NCAM1: variants seen among roughly 807,000 people sequenced by gnomAD.
NCAM1 encodes antigen recognized by monoclonal antibody 5.1H11.
In NCAM1, 14 loss-of-function variants were observed where a neutral mutation model predicts 109.8. The observed-to-expected ratio is 0.13, with a 90% CI of 0.08 to 0.20. The LOEUF (loss-of-function observed/expected upper bound fraction) is 0.20, where lower values mean the gene tolerates loss of function less well. NCAM1 is among the 10% of genes least tolerant of loss of function. The pLI is 1.00. For synonymous variants in NCAM1, 418 were observed against 442.9 expected (o/e 0.94, Z 0.70); for missense variants, 774 against 1,109.9 (o/e 0.70, Z 4.30).
chr11:113,164,246 G>T (rs1226372156), intron 1 of NCAM1, among the ~76,000 whole-genome samples: 3 of 152,150 alleles, frequency 2.0e-5, no homozygotes, highest in Non-Finnish European at 4.4e-5. Context: ...AAACTGACTT[G>T]TTTTCTCCTA....
At chr11:112,998,679 C>T (rs1433304325) in intron 1 of NCAM1, among the ~76,000 whole-genome samples, 2 of 152,038 alleles carry the variant, frequency 1.3e-5, no homozygotes, top group African/African-American at 4.8e-5. Flanking sequence ...CCTTTTCTCC[C>T]AGTTTCAGTT....
intron 1 of NCAM1, among the ~76,000 whole-genome samples, chr11:113,169,070 GTC>G (rs60174763): frequency 0.013 from 1,875 of 146,184 alleles, 15 homozygotes; most frequent in South Asian, 0.021. Flanking sequence ...GTGTGTGTGT[GTC>G]TGTGTGTGTG....
chr11:113,205,754 A>T, intron 4 of NCAM1, 88 bp downstream of exon 4: 1 of 1,493,838 alleles, frequency 6.7e-7, no homozygotes, highest in Non-Finnish European at 9.0e-7. Flanking sequence ...TTCCAGTCCA[A>T]ACTCCAATTC....
chr11:113,188,141 G>A (rs1943568920), intron 1 of NCAM1, among the ~76,000 whole-genome samples: 1 of 152,180 alleles, frequency 6.6e-6, no homozygotes, highest in Admixed American at 6.5e-5. Context: ...GAATTTGAGG[G>A]TGTGAGGAGA....
At chr11:113,237,095 G>GA (rs1426429913) in intron 14 of NCAM1, among the ~76,000 whole-genome samples, 1 of 152,278 alleles carries the variant, frequency 6.6e-6, no homozygotes, top group Admixed American at 6.5e-5. Context: ...CCACTGGAAG[G>GA]ACACCCTTCA....
intron 1 of NCAM1, among the ~76,000 whole-genome samples, chr11:113,134,312 A>C (rs1941519639): frequency 6.6e-6 from 1 of 151,628 alleles, no homozygotes; most frequent in Non-Finnish European, 1.5e-5. Context: ...ATGTAACCGG[A>C]TTTTTTTTCG....
At chr11:113,265,219 T>C (rs1555124204) in intron 17 of NCAM1, 23 of 951,500 alleles carry the variant, frequency 2.4e-5, no homozygotes, top group Non-Finnish European at 2.9e-5. Flanking sequence ...GGCTTGATTT[T>C]ATTCAATAGT....
rs782564057 is a variant in NCAM1, at chr11:113,232,364, G to C, written c.1425+10G>C. ...TGCCAGCTATCTGGAGGTGAGTCAG[G>C]ATGGGGGTGGGACAGAGCAGAGAAA... On this transcript the variant is annotated intron_variant, in intron 11 of 19. Transcript: ENST00000316851. 6.9e-6 allele frequency: 11 copies of C among 1,601,882 alleles called. No homozygotes were observed. Among genetic ancestry groups the C allele is most frequent in the Non-Finnish European group, 7.7e-6 (9 of 1,173,660 alleles).
chr11:112,973,314 T>C lies in NCAM1; in HGVS notation c.52+11650T>C, dbSNP rs528967969. 3.9e-5 allele frequency among the ~76,000 whole-genome samples: 6 copies of C among 152,212 alleles called. No individual in the cohort carries two copies. In the South Asian group the frequency reaches 8.3e-4, roughly 21 times the overall value. ...CTGCCAGTCACCAGTTAAGCTGCAA[T>C]TGCTATATGAGAATTGGACTTACAG... On this transcript the variant is annotated intron_variant, in intron 1 of 19. Coordinates refer to ENST00000316851, the MANE Select transcript of NCAM1 (RefSeq NM_181351.5).
At chr11:113,170,095 C>T (rs185189008) in intron 1 of NCAM1, among the ~76,000 whole-genome samples, 24 of 152,084 alleles carry the variant, frequency 1.6e-4, no homozygotes, top group Non-Finnish European at 1.5e-5. Context: ...CTTTTCAAAT[C>T]GTTTGACAAT....
At chr11:113,221,624 G>A (rs1041304717) in intron 9 of NCAM1, 2 of 299,078 alleles carry the variant, frequency 6.7e-6, no homozygotes, top group African/African-American at 4.3e-5. Flanking sequence ...CCAATTCCCA[G>A]GCCAGGCATT....
At chr11:113,113,476 A>G (rs1322882099) in intron 1 of NCAM1, among the ~76,000 whole-genome samples, 1 of 152,144 alleles carries the variant, frequency 6.6e-6, no homozygotes, top group African/African-American at 2.4e-5. Context: ...TATGATCCTT[A>G]CCTTAAAATA....
intron 14 of NCAM1, among the ~76,000 whole-genome samples, chr11:113,245,798 T>C (rs1945482941): frequency 6.6e-6 from 1 of 152,354 alleles, no homozygotes; most frequent in East Asian, 1.9e-4. Context: ...CAATCTTTTG[T>C]TCTTCTAGGG....
chr11:113,221,490 G>A (rs1433927005), intron 9 of NCAM1, 165 bp downstream of exon 9: 3 of 663,646 alleles, frequency 4.5e-6, no homozygotes, highest in Non-Finnish European at 7.6e-6. Context: ...TTTAGGATGA[G>A]CAAGCAAGCT....
At chr11:113,025,083 T>G (rs1232769393) in intron 1 of NCAM1, among the ~76,000 whole-genome samples, 2 of 152,194 alleles carry the variant, frequency 1.3e-5, no homozygotes, top group African/African-American at 4.8e-5. Context: ...CATTTGAAAA[T>G]GGCTTTGTTG....
rs1950583030 is a variant in NCAM1 at position 112,962,178 on chromosome 11, T to C, written c.52+514T>C. ...GTCTAATAAAGTCAGGATCGCTGCT[T>C]TGCTTCCCCCGCCCCAGAAGAATAA... On this transcript the variant is annotated intron_variant, in intron 1 of 19. Transcript: ENST00000316851. The surrounding 1 kb of genome is among the most constrained non-coding windows in gnomAD (Gnocchi z 5.6). Among the ~76,000 whole-genome samples, 3 of 152,132 alleles carry C rather than the reference T, an allele frequency of 2.0e-5. No individual in the cohort carries two copies. Among genetic ancestry groups the C allele is most frequent in the African/African-American group, 7.2e-5 (3 of 41,434 alleles).
intron 1 of NCAM1, among the ~76,000 whole-genome samples, chr11:113,131,655 G>A (rs1307084760): frequency 2.0e-5 from 3 of 152,190 alleles, no homozygotes; most frequent in African/African-American, 7.2e-5. Context: ...GGTGAGGCAG[G>A]CTGTGCTCCA....
intron 1 of NCAM1, among the ~76,000 whole-genome samples, chr11:113,053,309 T>G (rs1388953887): frequency 6.6e-6 from 1 of 152,220 alleles, no homozygotes; most frequent in African/African-American, 2.4e-5. Context: ...AGTTTATCAC[T>G]GATGGGCATT....
intron 9 of NCAM1, among the ~76,000 whole-genome samples, chr11:113,223,825 G>A (rs1454686797): frequency 1.3e-5 from 2 of 152,208 alleles, no homozygotes; most frequent in Non-Finnish European, 2.9e-5. Flanking sequence ...AAGTAGGAGT[G>A]ACAAGCAGGT....
Sources: gnomAD v4.1 joint callset for allele counts (sites outside exome capture counted in the v4.1 genomes callset) on GRCh38, gnomAD v4.1.1 for gene constraint, Gnocchi (gnomAD v3.1) non-coding constraint, MANE v1.5 for transcripts, NCBI Gene and HGNC (gene_info 2026-07-23, HGNC 2026-07-21) for gene names.